Variants in PARG observed in about 807,000 individuals in gnomAD.
PARG encodes the protein mitochondrial poly(ADP-ribose) glycohydrolase.
PARG carries 35 observed loss-of-function variants against 113.0 expected under a neutral mutation model. The observed-to-expected ratio is 0.31, with a 90% CI of 0.24 to 0.41. PARG has a LOEUF of 0.41. Among genes scored for constraint, PARG ranks in the 10% least tolerant of loss-of-function variants. PARG has a pLI of 1.00. For synonymous variants in PARG, 330 were observed against 409.9 expected (o/e 0.81, Z 2.36); for missense variants, 797 against 1,169.4 (o/e 0.68, Z 4.64).
chr10:49,896,955 A>T (rs1373216987), intron 7 of PARG, among the ~76,000 whole-genome samples: 2 of 152,190 alleles, frequency 1.3e-5, no homozygotes, highest in African/African-American at 4.8e-5. Context: ...AATTAGGCAT[A>T]TTTTACTAGG....
intron 16 of PARG, among the ~76,000 whole-genome samples, chr10:49,830,680 C>T (rs1844613626): frequency 6.6e-6 from 1 of 152,056 alleles, no homozygotes; most frequent in Non-Finnish European, 1.5e-5. Flanking sequence ...GGCCAATAAA[C>T]ACGAAAACTG....
intron 13 of PARG, among the ~76,000 whole-genome samples, chr10:49,853,747 T>C (rs1379090307): frequency 3.9e-5 from 6 of 152,340 alleles, no homozygotes; most frequent in Non-Finnish European, 7.3e-5. Context: ...GAAGTTCCAA[T>C]CTTAATTTCC....
At chr10:49,905,501 C>T (rs1386767144) in intron 7 of PARG, among the ~76,000 whole-genome samples, 1 of 152,064 alleles carries the variant, frequency 6.6e-6, no homozygotes, top group Admixed American at 6.6e-5. Flanking sequence ...GGAATACTTG[C>T]TACAAAGGAA....
intron 13 of PARG, among the ~76,000 whole-genome samples, chr10:49,855,188 A>AT (rs1845929326): frequency 7.5e-6 from 1 of 133,014 alleles, no homozygotes; most frequent in Non-Finnish European, 1.6e-5. Context: ...ATAAACAGAA[A>AT]TTTGTAATTG....
At chr10:49,931,122 T>G (rs1838455508) in intron 4 of PARG, among the ~76,000 whole-genome samples, 1 of 151,242 alleles carries the variant, frequency 6.6e-6, no homozygotes. Context: ...TGTTATGATA[T>G]TCACATTGGT....
intron 6 of PARG, among the ~76,000 whole-genome samples, chr10:49,916,502 C>CT (rs1177371062): frequency 6.9e-6 from 1 of 145,838 alleles, no homozygotes; most frequent in African/African-American, 2.4e-5. Context: ...TAAAAACTGT[C>CT]TTTTTTCCTT....
At chr10:49,831,796 C>CT (rs1844680294) in intron 16 of PARG, among the ~76,000 whole-genome samples, 2 of 152,224 alleles carry the variant, frequency 1.3e-5, no homozygotes, top group African/African-American at 4.8e-5. Context: ...AAGGACAGGA[C>CT]TTTTTTCTGA....
chr10:49,834,675 G>A (rs1554830807), intron 15 of PARG, among the ~76,000 whole-genome samples: 1 of 152,042 alleles, frequency 6.6e-6, no homozygotes, highest in African/African-American at 2.4e-5. Flanking sequence ...GATCACTTGA[G>A]CTCTGGAGTT....
intron 16 of PARG, among the ~76,000 whole-genome samples, chr10:49,828,121 A>G (rs2132376270): frequency 6.8e-6 from 1 of 147,092 alleles, no homozygotes; most frequent in East Asian, 2.1e-4. Flanking sequence ...AAAAAAAAAA[A>G]AGCTCCTTCT....
At chr10:49,889,651 T>C (rs1160868934) in intron 7 of PARG, among the ~76,000 whole-genome samples, 7 of 152,228 alleles carry the variant, frequency 4.6e-5, no homozygotes, top group African/African-American at 1.7e-4. Context: ...GAAGTGCCTA[T>C]TCAACCATGT....
At chr10:49,861,501 TAA>T in intron 12 of PARG, 85 bp downstream of exon 12, 2 of 689,302 alleles carry the variant, frequency 2.9e-6, no homozygotes, top group Non-Finnish European at 5.4e-6. Flanking sequence ...AGGAGACAAA[TAA>T]ACAGTTTTTC....
chr10:49,844,795 A>G (rs1156743695), intron 13 of PARG, among the ~76,000 whole-genome samples: 1 of 152,166 alleles, frequency 6.6e-6, no homozygotes, highest in Non-Finnish European at 1.5e-5. Context: ...CAATGAAAAA[A>G]CACCTTCAGG....
intron 16 of PARG, among the ~76,000 whole-genome samples, chr10:49,831,470 A>G (rs782081812): frequency 2.0e-5 from 3 of 152,184 alleles, no homozygotes; most frequent in African/African-American, 4.8e-5. Flanking sequence ...TAAAAGCTTC[A>G]AACACCCTTG....
intron 7 of PARG, among the ~76,000 whole-genome samples, chr10:49,897,294 T>C (rs1294883488): frequency 1.3e-5 from 2 of 152,210 alleles, no homozygotes; most frequent in African/African-American, 4.8e-5. Flanking sequence ...AGTATTATGA[T>C]GATGATGATG....
chr10:49,940,791 G>C (rs1210984679), intron 1 of PARG, among the ~76,000 whole-genome samples: 223 of 152,296 alleles, frequency 1.5e-3, no homozygotes, highest in African/African-American at 5.1e-3. Flanking sequence ...GCCTCCCAAA[G>C]CTCAGGGATT....
chr10:49,839,331 G>A (rs1403121860), intron 15 of PARG, among the ~76,000 whole-genome samples: 3 of 146,956 alleles, frequency 2.0e-5, no homozygotes, highest in Non-Finnish European at 3.0e-5. Flanking sequence ...GTGAAATTCC[G>A]TCTCAAAAAA....
chr10:49,932,838 A>C (rs1838557314), intron 3 of PARG, among the ~76,000 whole-genome samples: 1 of 152,188 alleles, frequency 6.6e-6, no homozygotes, highest in Non-Finnish European at 1.5e-5. Context: ...AAAAAAAAAA[A>C]AAAAAGTGTA....
intron 7 of PARG, among the ~76,000 whole-genome samples, chr10:49,907,793 T>C (rs1554845349): frequency 6.6e-6 from 1 of 152,102 alleles, no homozygotes; most frequent in East Asian, 1.9e-4. Flanking sequence ...CCCAAAACAC[T>C]TCAGAGCTAG....
intron 7 of PARG, among the ~76,000 whole-genome samples, chr10:49,899,014 T>G (rs1848230314): frequency 6.6e-6 from 1 of 152,232 alleles, no homozygotes; most frequent in East Asian, 1.9e-4. Flanking sequence ...ACAACAGTGG[T>G]GTTCATATGT....
Sources: allele counts gnomAD v4.1 joint callset (sites outside exome capture counted in the v4.1 genomes callset), GRCh38; gene constraint gnomAD v4.1.1; transcripts MANE v1.5; gene names NCBI Gene and HGNC (gene_info 2026-07-23, HGNC 2026-07-21).